Variants in NKAIN2 observed in about 807,000 individuals in gnomAD.
The protein encoded by NKAIN2 is sodium/potassium transporting ATPase interacting 2.
NKAIN2 carries 14 observed loss-of-function variants against 32.6 expected under a neutral mutation model. The ratio of observed to expected loss-of-function variants is 0.43; its 90% CI spans 0.28 to 0.67. NKAIN2 has a LOEUF of 0.67. Among genes scored for constraint, NKAIN2 ranks in the 30% least tolerant of loss-of-function variants. The pLI, the probability that NKAIN2 is intolerant of heterozygous loss-of-function variation, is 0.17. For synonymous variants in NKAIN2, 80 were observed against 87.2 expected (o/e 0.92, Z 0.46); for missense variants, 198 against 258.3 (o/e 0.77, Z 1.60).
At chr6:123,891,437 A>T (rs996959218) in intron 1 of NKAIN2, among the ~76,000 whole-genome samples, 1 of 152,148 alleles carries the variant, frequency 6.6e-6, no homozygotes, top group Admixed American at 6.6e-5. Flanking sequence ...AGAATCAATA[A>T]ATTAGTGTCT....
At chr6:123,837,431 C>G (rs1023012332) in intron 1 of NKAIN2, among the ~76,000 whole-genome samples, 3 of 152,054 alleles carry the variant, frequency 2.0e-5, no homozygotes, top group African/African-American at 7.2e-5. Context: ...ACTCTTGTTT[C>G]TCTTCCACCC....
chr6:124,522,682 T>C (rs959642586), intron 3 of NKAIN2, among the ~76,000 whole-genome samples: 6 of 152,168 alleles, frequency 3.9e-5, no homozygotes, highest in Non-Finnish European at 7.3e-5. Context: ...TGCATTTCCA[T>C]AGGACTCTAG....
intron 3 of NKAIN2, among the ~76,000 whole-genome samples, chr6:124,427,384 C>T (rs558023934): frequency 5.9e-5 from 9 of 152,242 alleles, no homozygotes; most frequent in South Asian, 2.1e-4. Context: ...TCACCATCAT[C>T]CTAATCATCA....
chr6:124,415,878 C>CTTTTTTTTTTTTTTTTTTTTTTTT lies in NKAIN2; in HGVS notation c.273+60548_273+60549insTTTTTTTTTTTTTTTTTTTTTTTT. 2.1e-4 allele frequency among the ~76,000 whole-genome samples: 15 copies of CTTTTTTTTTTTTTTTTTTTTTTTT among 72,602 alleles called. 1 individual carries two copies. Among genetic ancestry groups the CTTTTTTTTTTTTTTTTTTTTTTTT allele is most frequent in the East Asian group, 1.0e-3 (2 of 1,940 alleles). 47.6% of individuals were successfully genotyped at this position (72,602 alleles called of 152,430 possible). A position where few individuals can be genotyped will look rare whatever the true frequency, so the allele number is the denominator to read the frequency against. On this transcript the variant is annotated intron_variant, in intron 3 of 6. Coordinates refer to ENST00000368417, the MANE Select transcript of NKAIN2 (RefSeq NM_001040214.3). ...TTTTTTAATTTGCTTTTTTTATTTG[C>CTTTTTTTTTTTTTTTTTTTTTTTT]TTTTTTTTTTTTTTTTTGCTAATTT... is the stretch of plus-strand genomic sequence containing the variant.
At chr6:124,191,299 G>A (rs920809258) in intron 1 of NKAIN2, among the ~76,000 whole-genome samples, 6 of 151,884 alleles carry the variant, frequency 4.0e-5, no homozygotes, top group African/African-American at 1.5e-4. Context: ...GTAATGTTTT[G>A]TAGTTTCTGT....
intron 1 of NKAIN2, among the ~76,000 whole-genome samples, chr6:124,076,038 G>A (rs982419631): frequency 6.6e-6 from 1 of 152,214 alleles, no homozygotes; most frequent in Admixed American, 6.5e-5. Flanking sequence ...CAGGCTCTCT[G>A]TGAGATTAAC....
At chr6:124,038,846 T>C (rs560156345) in intron 1 of NKAIN2, among the ~76,000 whole-genome samples, 130 of 152,218 alleles carry the variant, frequency 8.5e-4, no homozygotes, top group Admixed American at 2.2e-3. Flanking sequence ...TCAAAAGCAA[T>C]TTCACAGAAC....
chr6:124,611,021 A>G (rs1039899344), intron 3 of NKAIN2, among the ~76,000 whole-genome samples: 4 of 152,206 alleles, frequency 2.6e-5, no homozygotes, highest in East Asian at 1.9e-4. Context: ...TTTGCATTAA[A>G]TTAAAGGCCA....
intron 1 of NKAIN2, among the ~76,000 whole-genome samples, chr6:123,915,813 G>A (rs1775466405): frequency 6.6e-6 from 1 of 152,124 alleles, no homozygotes; most frequent in African/African-American, 2.4e-5. Flanking sequence ...TTTCCTAAAT[G>A]TTTATTAAAT....
chr6:123,869,017 G>A (rs1414833129), intron 1 of NKAIN2, among the ~76,000 whole-genome samples: 1 of 152,130 alleles, frequency 6.6e-6, no homozygotes, highest in Non-Finnish European at 1.5e-5. Flanking sequence ...GTGATTGATT[G>A]GTCATCTTTA....
At chr6:124,032,662 C>A (rs1333844268) in intron 1 of NKAIN2, among the ~76,000 whole-genome samples, 1 of 151,686 alleles carries the variant, frequency 6.6e-6, no homozygotes, top group Non-Finnish European at 1.5e-5. Context: ...GACTACAAAG[C>A]AATATGAAAA....
chr6:123,854,262 T>C (rs1431340892), intron 1 of NKAIN2, among the ~76,000 whole-genome samples: 1 of 152,210 alleles, frequency 6.6e-6, no homozygotes, highest in African/African-American at 2.4e-5. Context: ...ACTGATTCTG[T>C]CAGTGCCTCT....
intron 1 of NKAIN2, among the ~76,000 whole-genome samples, chr6:123,948,361 G>A (rs1777165290): frequency 6.6e-6 from 1 of 151,838 alleles, no homozygotes; most frequent in South Asian, 2.1e-4. Flanking sequence ...TTCCATAATT[G>A]CTGTACTAAT....
chr6:124,336,094 A>AAGAAAAGCAAAATGAAAC (rs77184451), intron 2 of NKAIN2, among the ~76,000 whole-genome samples: 14 of 152,210 alleles, frequency 9.2e-5, no homozygotes, highest in Non-Finnish European at 1.6e-4. Flanking sequence ...TTACATATTA[A>AAGAAAAGCAAAATGAAAC]AGAAAAGCAA....
At chr6:124,503,170 T>G (rs767324100) in intron 3 of NKAIN2, among the ~76,000 whole-genome samples, 1 of 152,122 alleles carries the variant, frequency 6.6e-6, no homozygotes, top group Non-Finnish European at 1.5e-5. Flanking sequence ...GTTACTAATT[T>G]TAATGAGGCA....
At chr6:124,714,451 C>A (rs1042653222) in intron 4 of NKAIN2, among the ~76,000 whole-genome samples, 1 of 152,216 alleles carries the variant, frequency 6.6e-6, no homozygotes, top group South Asian at 2.1e-4. Context: ...ATGCTTGGAG[C>A]TGACATGGAA....
At chr6:124,636,856 GA>G (rs1190741917) in intron 3 of NKAIN2, among the ~76,000 whole-genome samples, 1 of 151,924 alleles carries the variant, frequency 6.6e-6, no homozygotes, top group Non-Finnish European at 1.5e-5. Context: ...CACAAAAACT[GA>G]AAAGGAAGGA....
At position 123,842,432 on chromosome 6, in the gene NKAIN2, G is replaced by C. The variant is rs545263099; in HGVS notation, c.54+38178G>C. Among the ~76,000 whole-genome samples the C allele has an allele frequency of 2.0e-3, 301 of 152,146 alleles. 2 individuals are homozygous for C. The highest frequency in any genetic ancestry group is 7.0e-3 in the African/African-American group (291 of 41,510). On this transcript the variant is annotated intron_variant, in intron 1 of 6. Transcript: ENST00000368417. Reference sequence around the variant, plus strand: ...TAAGGACACTAGACCTATCAGATTAGAGCCCTATCCTTATGACCTTGTTTA... The same window carrying C: ...TAAGGACACTAGACCTATCAGATTACAGCCCTATCCTTATGACCTTGTTTA...
At chr6:124,577,377 G>A (rs1027057953) in intron 3 of NKAIN2, among the ~76,000 whole-genome samples, 11 of 152,090 alleles carry the variant, frequency 7.2e-5, no homozygotes, top group African/African-American at 2.4e-4. Flanking sequence ...ATAGTGTGGA[G>A]CAAGAATCTG....
Sources: allele counts gnomAD v4.1 joint callset (sites outside exome capture counted in the v4.1 genomes callset), GRCh38; gene constraint gnomAD v4.1.1; transcripts MANE v1.5; gene names NCBI Gene and HGNC (gene_info 2026-07-23, HGNC 2026-07-21).